CACNB3: variants seen among roughly 807,000 people sequenced by gnomAD.
CACNB3 encodes the protein calcium voltage-gated channel auxiliary subunit beta 3, also known as voltage-dependent L-type calcium channel subunit beta-3.
In CACNB3, 36 loss-of-function variants were observed where a neutral mutation model predicts 63.7. That is an observed-to-expected ratio of 0.57 (90% CI 0.43 to 0.75). CACNB3 has a LOEUF of 0.75. Among genes scored for constraint, CACNB3 ranks in the 30% least tolerant of loss-of-function variants. CACNB3 has a pLI of 0.00. For missense variants in CACNB3, 493 were observed against 648.6 expected, an observed-to-expected ratio of 0.76 and a Z score of 2.61; for synonymous variants, 241 against 250.6, an observed-to-expected ratio of 0.96 and a Z score of 0.36.
upstream of CACNB3, chr12:48,815,764 G>T: frequency 8.2e-7 from 1 of 1,223,038 alleles, no homozygotes; most frequent in Non-Finnish European, 1.2e-6. Flanking sequence ...GTGGGAAGGG[G>T]GTTCCCCACT....
upstream of CACNB3, among the ~76,000 whole-genome samples, chr12:48,817,673 A>G (rs372945753): frequency 4.2e-4 from 64 of 152,260 alleles, no homozygotes; most frequent in South Asian, 1.4e-3. Flanking sequence ...AGTGGTGCAG[A>G]GTGGTACAAG....
At position 48,818,523 on chromosome 12, in the gene CACNB3, G is replaced by A. The variant is rs991753572; in HGVS notation, c.-407G>A. 8 of 1,011,594 alleles carry A rather than the reference G, an allele frequency of 7.9e-6. No homozygotes were observed. Among genetic ancestry groups the A allele is most frequent in the East Asian group, 9.8e-5 (1 of 10,248 alleles). The allele number at this position is 1,011,594 out of a possible 1,614,324, so 62.7% of individuals were successfully genotyped here. A position where few individuals can be genotyped will look rare whatever the true frequency, so the allele number is the denominator to read the frequency against. ...CCTTCCTCCCCGCCGCCACGGCCCC[G>A]TAGGTGCTCGGGGACCCACCTTCCA... On this transcript the variant is annotated 5_prime_UTR_variant, in exon 1 of 13. Coordinates refer to ENST00000301050, the MANE Select transcript of CACNB3 (RefSeq NM_000725.4). The surrounding 1 kb of genome is among the most constrained non-coding windows in gnomAD (Gnocchi z 4.3).
chr12:48,818,478 C>T (rs971793088), upstream of CACNB3: 1 of 997,090 alleles, frequency 1.0e-6, no homozygotes. The surrounding 1 kb of genome is among the most constrained non-coding windows in gnomAD (Gnocchi z 4.3). Flanking sequence ...TGGATCCGCC[C>T]TGCCCGCAGC....
upstream of CACNB3, chr12:48,817,455 C>T (rs1477689504): frequency 6.6e-6 from 1 of 152,218 alleles, no homozygotes; most frequent in African/African-American, 2.4e-5. Context: ...AGAGCATGGG[C>T]ACCAGGAGGC....
At chr12:48,821,855 G>A (rs1226652905) in intron 1 of CACNB3, among the ~76,000 whole-genome samples, 2 of 152,208 alleles carry the variant, frequency 1.3e-5, no homozygotes, top group Non-Finnish European at 2.9e-5. Context: ...TAAAATGAAA[G>A]ATCTTTCCCC....
At chr12:48,824,620 A>C (rs1383524813) in intron 4 of CACNB3, 49 bp from the exon 5 acceptor site, 1 of 1,528,076 alleles carries the variant, frequency 6.5e-7, no homozygotes, top group East Asian at 2.3e-5. Context: ...ACATACATAC[A>C]CAGAGACACA....
upstream of CACNB3, chr12:48,815,447 G>C (rs1197754441): frequency 3.3e-6 from 3 of 918,172 alleles, no homozygotes; most frequent in African/African-American, 5.1e-5. Flanking sequence ...TGGGCTGAAA[G>C]GCAGGGAGAG....
upstream of CACNB3, chr12:48,815,646 C>T (rs1188739951): frequency 6.5e-7 from 1 of 1,534,618 alleles, no homozygotes; most frequent in South Asian, 1.2e-5. Context: ...CGCCTCGGAG[C>T]CCCTGGCCCG....
In CACNB3 at chr12:48,823,047, T is replaced by C. The variant is rs950220439; in HGVS notation, c.46-297T>C. On this transcript the variant is annotated intron_variant, in intron 1 of 12. Transcript: ENST00000301050. The surrounding 1 kb of genome is among the most constrained non-coding windows in gnomAD (Gnocchi z 4.2). ...CCTTCCCTCGGCTCAGAGGACATGT[T>C]AGAGGGGAGAAAAGGGAGGAAAGAG... Among the ~76,000 whole-genome samples the C allele has an allele frequency of 3.9e-5, 6 of 152,062 alleles. No individual in the cohort carries two copies. Among genetic ancestry groups the C allele is most frequent in the Non-Finnish European group, 8.8e-5 (6 of 67,990 alleles).
chr12:48,826,888 TC>T lies in CACNB3; in HGVS notation c.990+39del. The T allele has an allele frequency of 1.2e-6, 2 of 1,611,186 alleles. No homozygotes were observed. The highest frequency in any genetic ancestry group is 1.7e-6 in the Non-Finnish European group (2 of 1,177,542). On this transcript the variant is annotated intron_variant, in intron 11 of 12. Transcript: ENST00000301050. The surrounding 1 kb of genome is among the most constrained non-coding windows in gnomAD (Gnocchi z 4.8). Reference sequence around the variant, plus strand: ...CTGGGTCAGCTGCTCCTGTGCCCACTCCCCCAGGGCTGCGGCAGTGATAGAG... The same window carrying T: ...CTGGGTCAGCTGCTCCTGTGCCCACTCCCCAGGGCTGCGGCAGTGATAGAG...
chr12:48,820,637 G>A, intron 1 of CACNB3: 1 of 152,496 alleles, frequency 6.6e-6, no homozygotes, highest in Non-Finnish European at 1.5e-5. Flanking sequence ...ACTCCTGGCA[G>A]CTCCAAAGTA....
chr12:48,827,568 T>C lies in CACNB3; in HGVS notation c.1141-17T>C, dbSNP rs767186344. ...AGGTCTGTACTGCCTCACTGAGAGCTGTTGTATGGCCCCCAGAACCAGCAG... is the reference window on the plus strand; with the variant it reads ...AGGTCTGTACTGCCTCACTGAGAGCCGTTGTATGGCCCCCAGAACCAGCAG... On this transcript the variant is annotated splice_polypyrimidine_tract_variant and intron_variant, in intron 12 of 12. Transcript: ENST00000301050. The C allele has an allele frequency of 1.2e-6, 2 of 1,607,720 alleles. No homozygotes were observed. Among genetic ancestry groups the C allele is most frequent in the Non-Finnish European group, 1.7e-6 (2 of 1,176,644 alleles).
upstream of CACNB3, chr12:48,815,195 G>A (rs1043771234): frequency 5.7e-6 from 1 of 176,028 alleles, no homozygotes; most frequent in African/African-American, 2.4e-5. Context: ...GGCCGGGAGG[G>A]AGCAGAAGCT....
chr12:48,824,446 C>A, intron 4 of CACNB3, 73 bp downstream of exon 4: 2 of 1,321,392 alleles, frequency 1.5e-6, no homozygotes, highest in Non-Finnish European at 1.1e-6. Context: ...CGTCACCATG[C>A]ATGCCATACA....
Position 48,827,645 on chromosome 12 carries a change from A to G in CACNB3, c.1201A>G (p.Met401Val), listed in dbSNP as rs758332182. 3 of 1,613,622 alleles carry G rather than the reference A, an allele frequency of 1.9e-6. No individual in the cohort carries two copies. In the African/African-American group the frequency reaches 4.0e-5, roughly 22 times the overall value. ...CTCCCCCCTTGAGCGGGACAGCTTG[A>G]TGCCCTCTGATGAGGCCAGCGAGAG... is the stretch of plus-strand genomic sequence containing the variant. ...EHSPLERDSL[M>V]PSDEASESSR... Residue 401 changes from methionine to valine, a missense_variant, in exon 13 of 13, where the codon ATG becomes GTG. By Grantham distance (21) the Met-to-Val change is conservative. Transcript: ENST00000301050.
rs751987256 is a variant in CACNB3, at chr12:48,818,996, G to C, written c.45+22G>C. ...GGCGGTGAGTGCCCACGATGAGGGT[G>C]GGGGCGGGGAAGTTGGGGTGACACC... On this transcript the variant is annotated intron_variant, in intron 1 of 12. Coordinates refer to ENST00000301050, the MANE Select transcript of CACNB3 (RefSeq NM_000725.4). This position sits in a 1 kb window ranked among gnomAD's most constrained non-coding sequence, Gnocchi z 4.3. 2 of 1,600,978 alleles carry C rather than the reference G, an allele frequency of 1.2e-6. No individual in the cohort carries two copies. The highest frequency in any genetic ancestry group is 4.5e-5 in the East Asian group (2 of 44,202).
In CACNB3 at chr12:48,825,299, G is replaced by T; in HGVS notation, c.573+56G>T. 1 of 1,587,638 alleles carries T rather than the reference G, an allele frequency of 6.3e-7. No homozygotes were observed. The highest frequency in any genetic ancestry group is 8.6e-7 in the Non-Finnish European group (1 of 1,157,092). ...ACCTCTACCAAGCCTGCCACAGGAA[G>T]TCCCTAGGGAAAGTGGAAGGGGTGT... On this transcript the variant is annotated intron_variant, in intron 7 of 12. Transcript: ENST00000301050. This position sits in a 1 kb window ranked among gnomAD's most constrained non-coding sequence, Gnocchi z 4.5.
chr12:48,815,877 T>C (rs1592178007), upstream of CACNB3: 3 of 675,522 alleles, frequency 4.4e-6, no homozygotes, highest in Non-Finnish European at 7.9e-6. Context: ...AGGCCAGGGG[T>C]GGAAGAGGCA....
Position 48,826,476 on chromosome 12 carries a change from G to A in CACNB3, c.852G>A (p.Ser284=), listed in dbSNP as rs186654716. 508 of 1,614,112 alleles carry A rather than the reference G, an allele frequency of 3.1e-4. 2 individuals are homozygous for A. The Middle Eastern group carries it at 5.3e-3, about 17-fold the overall frequency. ...INHPAQLAKT[S]LAPIIVFVKV... ...ACCCAGCACAGCTGGCCAAGACCTC[G>A]CTGGCCCCCATCATCGTCTTTGTCA... Residue 284 remains serine, a synonymous_variant, in exon 10 of 13, where the codon TCG becomes TCA. Coordinates refer to ENST00000301050, the MANE Select transcript of CACNB3 (RefSeq NM_000725.4). This position sits in a 1 kb window ranked among gnomAD's most constrained non-coding sequence, Gnocchi z 4.8.
Sources: gnomAD v4.1 joint callset for allele counts (sites outside exome capture counted in the v4.1 genomes callset) on GRCh38, gnomAD v4.1.1 for gene constraint, Gnocchi (gnomAD v3.1) non-coding constraint, MANE v1.5 for transcripts, NCBI Gene and HGNC (gene_info 2026-07-23, HGNC 2026-07-21) for gene names.